The following CSMD1 variants were observed in gnomAD, a reference collection of about 807,000 sequenced individuals.
CSMD1 encodes CUB and Sushi multiple domains 1, also known as CUB and sushi domain-containing protein 1.
A neutral mutation model predicts 417.5 loss-of-function variants in CSMD1; 213 were observed. That is an observed-to-expected ratio of 0.51 (90% CI 0.46 to 0.57). The LOEUF (loss-of-function observed/expected upper bound fraction) is 0.57, where lower values mean the gene tolerates loss of function less well. Among genes scored for constraint, CSMD1 ranks in the 20% least tolerant of loss-of-function variants. CSMD1 has a pLI of 0.00. For missense variants in CSMD1, 6,923 were observed against 4,529.7 expected (o/e 1.53, Z -15.17); for synonymous variants, 2,862 against 1,736.8 (o/e 1.65, Z -16.11).
At chr8:4,363,083 C>T (rs1270931980) in intron 3 of CSMD1, among the ~76,000 whole-genome samples, 1 of 152,150 alleles carries the variant, frequency 6.6e-6, no homozygotes, top group African/African-American at 2.4e-5. Flanking sequence ...GCAGCCAGGT[C>T]ACAGTGGATC....
chr8:2,938,947 A>C (rs1801676719), intron 69 of CSMD1, among the ~76,000 whole-genome samples: 1 of 152,168 alleles, frequency 6.6e-6, no homozygotes, highest in Non-Finnish European at 1.5e-5. Flanking sequence ...GGTTTTAAAA[A>C]GTGAATCGAT....
chr8:4,630,800 T>A (rs1585360010), intron 2 of CSMD1, among the ~76,000 whole-genome samples: 2 of 152,200 alleles, frequency 1.3e-5, no homozygotes, highest in East Asian at 3.9e-4. Flanking sequence ...GTGCTCCAGT[T>A]AAGAAGTCAC....
chr8:3,238,197 C>T (rs965082917), intron 26 of CSMD1, among the ~76,000 whole-genome samples: 10 of 151,682 alleles, frequency 6.6e-5, no homozygotes, highest in African/African-American at 9.7e-5. Context: ...GTGGGGGTGT[C>T]ACAAGGTGCT....
chr8:4,000,271 C>G (rs972624915), intron 4 of CSMD1, among the ~76,000 whole-genome samples: 1 of 152,072 alleles, frequency 6.6e-6, no homozygotes, highest in African/African-American at 2.4e-5. Context: ...AGCACACACA[C>G]TTCCCTGGTC....
chr8:3,873,865 T>C (rs998110754), intron 5 of CSMD1, among the ~76,000 whole-genome samples: 3 of 152,124 alleles, frequency 2.0e-5, no homozygotes, highest in East Asian at 1.9e-4. Flanking sequence ...AGAGGAGATA[T>C]TCATTTAAGC....
intron 3 of CSMD1, among the ~76,000 whole-genome samples, chr8:4,298,925 AATAC>A (rs1458148414): frequency 3.9e-5 from 6 of 152,104 alleles, no homozygotes; most frequent in South Asian, 2.1e-4. Context: ...TACACACATA[AATAC>A]ATAAACACAC....
At chr8:3,449,164 A>G (rs1039420505) in intron 12 of CSMD1, among the ~76,000 whole-genome samples, 1 of 152,204 alleles carries the variant, frequency 6.6e-6, no homozygotes, top group Non-Finnish European at 1.5e-5. Flanking sequence ...GCGTCTTGAA[A>G]TTAGTTGGTG....
chr8:3,486,127 T>C (rs569828227), intron 11 of CSMD1, among the ~76,000 whole-genome samples: 1 of 152,336 alleles, frequency 6.6e-6, no homozygotes, highest in Non-Finnish European at 1.5e-5. Flanking sequence ...CCTCTTTCCT[T>C]GTTTCTTTCT....
chr8:3,127,739 T>C (rs1817581818), intron 41 of CSMD1: 1 of 152,192 alleles, frequency 6.6e-6, no homozygotes, highest in Admixed American at 6.5e-5. Context: ...TAAAATTATC[T>C]TTGAGATTTT....
At chr8:3,056,438 G>C (rs998071412) in intron 49 of CSMD1, among the ~76,000 whole-genome samples, 2 of 152,156 alleles carry the variant, frequency 1.3e-5, no homozygotes, top group African/African-American at 2.4e-5. Flanking sequence ...CACAGTCCAG[G>C]TTCACTGCAG....
At chr8:4,056,879 G>A (rs1257956452) in intron 3 of CSMD1, among the ~76,000 whole-genome samples, 1 of 152,078 alleles carries the variant, frequency 6.6e-6, no homozygotes, top group Non-Finnish European at 1.5e-5. Flanking sequence ...CATTTTTTAT[G>A]GCTGCATAGT....
At chr8:4,303,519 T>A (rs901717649) in intron 3 of CSMD1, among the ~76,000 whole-genome samples, 1 of 145,692 alleles carries the variant, frequency 6.9e-6, no homozygotes, top group Non-Finnish European at 1.5e-5. Context: ...CACGTCTATA[T>A]TCAAAGATTC....
At chr8:4,682,427 G>A (rs561584641) in intron 1 of CSMD1, among the ~76,000 whole-genome samples, 28 of 152,016 alleles carry the variant, frequency 1.8e-4, no homozygotes, top group Admixed American at 3.3e-4. Context: ...TTCAAATTTC[G>A]ATGATTTGCT....
intron 5 of CSMD1, among the ~76,000 whole-genome samples, chr8:3,870,683 G>A (rs776964141): frequency 1.3e-5 from 2 of 152,088 alleles, no homozygotes; most frequent in Non-Finnish European, 1.5e-5. Flanking sequence ...TTAGAGGGAT[G>A]TTAAGTATTA....
At chr8:3,213,940 G>C (rs1173990682) in intron 30 of CSMD1, among the ~76,000 whole-genome samples, 2 of 151,616 alleles carry the variant, frequency 1.3e-5, no homozygotes, top group African/African-American at 4.8e-5. Flanking sequence ...TCACTGCCCA[G>C]GTTCAAGCGA....
At chr8:3,989,687 T>C (rs910484637) in intron 5 of CSMD1, among the ~76,000 whole-genome samples, 3 of 152,208 alleles carry the variant, frequency 2.0e-5, no homozygotes, top group Non-Finnish European at 4.4e-5. Context: ...TGTGATACTC[T>C]AAAGAGATTC....
intron 5 of CSMD1, among the ~76,000 whole-genome samples, chr8:3,846,291 A>G (rs977015557): frequency 1.3e-5 from 2 of 152,188 alleles, no homozygotes; most frequent in East Asian, 1.9e-4. Flanking sequence ...TCAATAGGTG[A>G]TAGGAATATT....
At chr8:3,359,437 A>T (rs1168759156) in intron 20 of CSMD1, 97 bp from the exon 21 acceptor site, 2 of 936,744 alleles carry the variant, frequency 2.1e-6, no homozygotes, top group Non-Finnish European at 3.1e-6. Context: ...AAAAAAAAAA[A>T]AAAAAACCTA....
chr8:4,714,802 G>A (rs1050953915), intron 1 of CSMD1, among the ~76,000 whole-genome samples: 3 of 152,130 alleles, frequency 2.0e-5, no homozygotes, highest in South Asian at 2.1e-4. Flanking sequence ...GATTAAAATA[G>A]ACTCAACATT....
Sources: gnomAD v4.1 joint callset for allele counts (sites outside exome capture counted in the v4.1 genomes callset) on GRCh38, gnomAD v4.1.1 for gene constraint, MANE v1.5 for transcripts, NCBI Gene and HGNC (gene_info 2026-07-23, HGNC 2026-07-21) for gene names.